Variants in ZMAT4 observed in about 807,000 individuals in gnomAD.
ZMAT4 encodes zinc finger matrin-type protein 4.
A neutral mutation model predicts 28.7 loss-of-function variants in ZMAT4; 17 were observed. The observed-to-expected ratio is 0.59, with a 90% CI of 0.41 to 0.89. The LOEUF (loss-of-function observed/expected upper bound fraction) is 0.89. ZMAT4 is among the 40% of genes least tolerant of loss of function. The pLI, the probability that ZMAT4 is intolerant of heterozygous loss-of-function variation, is 0.00. For synonymous variants in ZMAT4, 117 were observed against 109.2 expected (o/e 1.07, Z -0.44); for missense variants, 240 against 283.8 (o/e 0.85, Z 1.11).
At chr8:40,788,972 G>A (rs1814204107) in intron 2 of ZMAT4, among the ~76,000 whole-genome samples, 1 of 140,148 alleles carries the variant, frequency 7.1e-6, no homozygotes, top group East Asian at 2.1e-4. Context: ...AGAGAGGAAG[G>A]GAGGGAGGGA....
rs72008675 is a variant in ZMAT4, at chr8:40,756,426, TTATATATA to T, written c.192+11207_192+11214del. ...AATTTCATGTCTAGGAAATGTTCTT[TTATATATA>T]TATATATATATATATATATATATAC... On this transcript the variant is annotated intron_variant, in intron 3 of 6. Transcript: ENST00000297737. Among the ~76,000 whole-genome samples the T allele has an allele frequency of 4.1e-4, 30 of 73,284 alleles. 1 individual carries two copies. Among genetic ancestry groups the T allele is most frequent in the East Asian group, 3.2e-3 (7 of 2,202 alleles). The allele number at this position is 73,284 out of a possible 152,430, so 48.1% of individuals were successfully genotyped here.
At chr8:40,726,094 T>C (rs1028722880) in intron 3 of ZMAT4, among the ~76,000 whole-genome samples, 1 of 152,252 alleles carries the variant, frequency 6.6e-6, no homozygotes, top group Non-Finnish European at 1.5e-5. Context: ...TCTCAGAGTA[T>C]GCTGGCTAAA....
At chr8:40,623,874 A>G (rs1363609538) in intron 5 of ZMAT4, among the ~76,000 whole-genome samples, 1 of 152,192 alleles carries the variant, frequency 6.6e-6, no homozygotes, top group African/African-American at 2.4e-5. Flanking sequence ...CTAGCAGAAG[A>G]CACTTTCTGT....
chr8:40,865,461 C>A (rs1817643308), intron 1 of ZMAT4, among the ~76,000 whole-genome samples: 1 of 152,184 alleles, frequency 6.6e-6, no homozygotes, highest in Admixed American at 6.5e-5. Context: ...ATCTTCCAGG[C>A]AGGATGTGGC....
chr8:40,829,048 C>T (rs1045721396), intron 1 of ZMAT4, among the ~76,000 whole-genome samples: 1 of 152,150 alleles, frequency 6.6e-6, no homozygotes, highest in African/African-American at 2.4e-5. Context: ...GAGACAGAGC[C>T]ACTGATCACT....
chr8:40,726,921 G>C (rs151022318), intron 3 of ZMAT4, among the ~76,000 whole-genome samples: 1 of 152,154 alleles, frequency 6.6e-6, no homozygotes, highest in Admixed American at 6.5e-5. Flanking sequence ...ACATCCTCTA[G>C]TTCATAAGCC....
intron 3 of ZMAT4, among the ~76,000 whole-genome samples, chr8:40,748,127 AG>A (rs1298210126): frequency 6.6e-6 from 1 of 152,250 alleles, no homozygotes; most frequent in Non-Finnish European, 1.5e-5. Context: ...ATAACTTTGA[AG>A]GAAAATGCCT....
intron 1 of ZMAT4, among the ~76,000 whole-genome samples, chr8:40,880,262 G>A (rs1215571870): frequency 3.3e-5 from 5 of 151,240 alleles, no homozygotes; most frequent in Admixed American, 1.3e-4. Context: ...CCAGCTACTC[G>A]GGAGGCTGAG....
intron 5 of ZMAT4, among the ~76,000 whole-genome samples, chr8:40,595,801 AGGC>A (rs1805070477): frequency 1.3e-5 from 2 of 152,054 alleles, no homozygotes; most frequent in African/African-American, 4.8e-5. Flanking sequence ...CCGCAATGTA[AGGC>A]TGGGCACGGT....
intron 5 of ZMAT4, among the ~76,000 whole-genome samples, chr8:40,606,853 G>C (rs1318773119): frequency 6.6e-6 from 1 of 151,934 alleles, no homozygotes. Context: ...TCTTATGTTT[G>C]GTCATCTAAC....
At chr8:40,874,626 T>C (rs569827914) in intron 1 of ZMAT4, among the ~76,000 whole-genome samples, 14 of 152,354 alleles carry the variant, frequency 9.2e-5, no homozygotes, top group Non-Finnish European at 1.9e-4. Flanking sequence ...TTCTGCTTTA[T>C]ACTTAGAATG....
chr8:40,552,469 T>G (rs897328783), intron 6 of ZMAT4, among the ~76,000 whole-genome samples: 1 of 152,200 alleles, frequency 6.6e-6, no homozygotes, highest in African/African-American at 2.4e-5. Context: ...CCAAACTCTG[T>G]GTACTGCAAA....
At chr8:40,712,511 C>T (rs543753529) in intron 3 of ZMAT4, among the ~76,000 whole-genome samples, 1 of 152,204 alleles carries the variant, frequency 6.6e-6, no homozygotes, top group Non-Finnish European at 1.5e-5. Context: ...ATAAAACACA[C>T]ATTGTTTCGC....
chr8:40,818,190 T>TTTG, intron 2 of ZMAT4, among the ~76,000 whole-genome samples: 1 of 152,342 alleles, frequency 6.6e-6, no homozygotes, highest in East Asian at 1.9e-4. Flanking sequence ...CACTTTGTGT[T>TTTG]CCAGTGAACT....
intron 6 of ZMAT4, among the ~76,000 whole-genome samples, chr8:40,540,168 C>G (rs1034176820): frequency 6.6e-6 from 1 of 152,170 alleles, no homozygotes; most frequent in African/African-American, 2.4e-5. Context: ...CTCCAACCAG[C>G]CTGTGCACTG....
chr8:40,703,682 G>A (rs1457916997), intron 3 of ZMAT4, among the ~76,000 whole-genome samples: 1 of 152,148 alleles, frequency 6.6e-6, no homozygotes, highest in African/African-American at 2.4e-5. Flanking sequence ...ACACGGCTCT[G>A]TGAATATACC....
At chr8:40,595,712 T>C (rs1415971820) in intron 5 of ZMAT4, among the ~76,000 whole-genome samples, 4 of 152,204 alleles carry the variant, frequency 2.6e-5, no homozygotes, top group African/African-American at 9.6e-5. Flanking sequence ...TTCTCATGAA[T>C]GGAGCTTACA....
intron 5 of ZMAT4, among the ~76,000 whole-genome samples, chr8:40,647,303 A>G (rs1301548642): frequency 6.6e-6 from 1 of 152,194 alleles, no homozygotes; most frequent in Non-Finnish European, 1.5e-5. Flanking sequence ...CGAGTCAAAG[A>G]AAGGGGTGAC....
At chr8:40,725,567 C>T (rs749537961) in intron 3 of ZMAT4, among the ~76,000 whole-genome samples, 1 of 152,094 alleles carries the variant, frequency 6.6e-6, no homozygotes, top group Non-Finnish European at 1.5e-5. Context: ...CTTTGCGGAT[C>T]CTCTGCAGCT....
Sources: gnomAD v4.1 joint callset for allele counts (sites outside exome capture counted in the v4.1 genomes callset) on GRCh38, gnomAD v4.1.1 for gene constraint, MANE v1.5 for transcripts, NCBI Gene and HGNC (gene_info 2026-07-23, HGNC 2026-07-21) for gene names.